Variants in TNS3 observed in about 807,000 individuals in gnomAD.
TNS3 encodes the protein tensin-3.
TNS3 carries 45 observed loss-of-function variants against 140.9 expected under a neutral mutation model. The observed-to-expected ratio is 0.32, with a 90% CI of 0.25 to 0.41. TNS3 has a LOEUF of 0.41. Ranked by LOEUF, TNS3 falls within the 10% of genes least tolerant of loss-of-function variation. The probability of loss-of-function intolerance (pLI) is 1.00; values close to 1 mark genes in which losing one functional copy is unlikely to be tolerated. For synonymous variants in TNS3, 815 were observed against 788.4 expected (o/e 1.03, Z -0.56); for missense variants, 1,716 against 1,906.7 (o/e 0.90, Z 1.86).
At chr7:47,338,357 G>C (rs992066800) in intron 20 of TNS3, among the ~76,000 whole-genome samples, 2 of 152,166 alleles carry the variant, frequency 1.3e-5, no homozygotes, top group Non-Finnish European at 2.9e-5. Flanking sequence ...CACCAGTATT[G>C]GATGTTGTCA....
intron 20 of TNS3, among the ~76,000 whole-genome samples, chr7:47,329,232 T>C (rs1259231731): frequency 1.3e-5 from 2 of 152,204 alleles, no homozygotes; most frequent in Non-Finnish European, 2.9e-5. Context: ...CACTCACTCC[T>C]GGCTTCTCTT....
chr7:47,322,213 CAAA>C (rs759875153), intron 20 of TNS3, among the ~76,000 whole-genome samples: 3 of 49,938 alleles, frequency 6.0e-5, no homozygotes, highest in East Asian at 6.5e-4. Context: ...GTAGAACGGG[CAAA>C]AAAAAAAAAA....
At chr7:47,327,720 T>A (rs1260902951) in intron 20 of TNS3, among the ~76,000 whole-genome samples, 1 of 152,192 alleles carries the variant, frequency 6.6e-6, no homozygotes, top group Non-Finnish European at 1.5e-5. Context: ...TCCCAAAGCC[T>A]TGGCGACTTG....
At chr7:47,452,460 G>T (rs1043704145) in intron 4 of TNS3, among the ~76,000 whole-genome samples, 1 of 152,184 alleles carries the variant, frequency 6.6e-6, no homozygotes, top group Non-Finnish European at 1.5e-5. Flanking sequence ...CTAAAATAAA[G>T]TCATCTTGTC....
chr7:47,463,014 T>C (rs530434093), intron 4 of TNS3, among the ~76,000 whole-genome samples: 1 of 152,256 alleles, frequency 6.6e-6, no homozygotes, highest in African/African-American at 2.4e-5. Flanking sequence ...ACAGTTGATT[T>C]TCGTTATTGG....
At position 47,278,315 on chromosome 7, in the gene TNS3, T is replaced by C. The variant is rs962871275; in HGVS notation, c.4194-95A>G. ...GCCAGCGGCACTGTCAGGAGGAATT[T>C]TAAGTGGCACCTATCAAAAATCAAC... On this transcript the variant is annotated intron_variant, in intron 30 of 30. Coordinates refer to ENST00000311160, the MANE Select transcript of TNS3 (RefSeq NM_022748.12). The C allele has an allele frequency of 2.4e-5, 34 of 1,428,152 alleles. No homozygotes were observed. In the Admixed American group the frequency reaches 3.7e-4, roughly 15 times the overall value. The allele number at this position is 1,428,152 out of a possible 1,614,324, so 88.5% of individuals were successfully genotyped here.
intron 3 of TNS3, among the ~76,000 whole-genome samples, chr7:47,502,617 G>A (rs1798268539): frequency 6.6e-6 from 1 of 152,338 alleles, no homozygotes; most frequent in South Asian, 2.1e-4. Context: ...ACTTCCCCAG[G>A]ACCTCCTGTA....
chr7:47,327,067 C>T (rs1465344065), intron 20 of TNS3, among the ~76,000 whole-genome samples: 2 of 152,196 alleles, frequency 1.3e-5, no homozygotes, highest in African/African-American at 2.4e-5. Context: ...GGAGCAGATG[C>T]CCAGGAGGCC....
Position 47,368,663 on chromosome 7 carries a change from G to A in TNS3, c.1983C>T (p.Pro661=), listed in dbSNP as rs934152418. ...GAAACCTGGGTTTGAACGCTTTGCT[G>A]GGAGAGGGCTGCTGTGTGTCAGGGG... ...PHPPDTQQPS[P]SKAFKPRFPG... Residue 661 remains proline (P), a synonymous_variant, in exon 17 of 31, where the codon CCC becomes CCT. Coordinates refer to ENST00000311160, the MANE Select transcript of TNS3 (RefSeq NM_022748.12). 1.0e-5 allele frequency: 16 copies of A among 1,600,878 alleles called. No individual in the cohort carries two copies. The highest frequency in any genetic ancestry group is 1.2e-5 in the Non-Finnish European group (14 of 1,173,946).
At chr7:47,370,177 G>T (rs1280170682) in intron 16 of TNS3, among the ~76,000 whole-genome samples, 3 of 152,130 alleles carry the variant, frequency 2.0e-5, no homozygotes, top group Non-Finnish European at 4.4e-5. Flanking sequence ...TCGGGAGGCT[G>T]AGTCAGGAGA....
chr7:47,503,753 AC>A (rs1386675953), intron 3 of TNS3, among the ~76,000 whole-genome samples: 3 of 152,168 alleles, frequency 2.0e-5, no homozygotes, highest in African/African-American at 7.2e-5. Flanking sequence ...CTTATAAACA[AC>A]AGAAATATAC....
At chr7:47,291,093 G>A (rs1785672185) in intron 27 of TNS3, among the ~76,000 whole-genome samples, 1 of 152,182 alleles carries the variant, frequency 6.6e-6, no homozygotes, top group Non-Finnish European at 1.5e-5. Context: ...GCTATGAACT[G>A]TATGGTTTCA....
intron 25 of TNS3, 91 bp downstream of exon 25, chr7:47,293,642 G>C (rs1269715064): frequency 6.4e-6 from 7 of 1,099,610 alleles, no homozygotes; most frequent in South Asian, 1.3e-5. Flanking sequence ...ACCACCATAA[G>C]AGTGATAGTC....
intron 3 of TNS3, chr7:47,481,406 C>A (rs916835365): frequency 2.3e-5 from 7 of 310,462 alleles, no homozygotes; most frequent in Non-Finnish European, 4.3e-5. Flanking sequence ...CTCATAGATA[C>A]AAAATTTAGC....
intron 4 of TNS3, among the ~76,000 whole-genome samples, chr7:47,479,003 C>T (rs1797310604): frequency 6.6e-6 from 1 of 152,054 alleles, no homozygotes. Context: ...GCTAGAAGAG[C>T]GAGATCTCTT....
At chr7:47,397,952 G>A (rs1175753653) in intron 15 of TNS3, among the ~76,000 whole-genome samples, 1 of 152,142 alleles carries the variant, frequency 6.6e-6, no homozygotes, top group Non-Finnish European at 1.5e-5. Context: ...CAAGAAGAGA[G>A]AAGATTCAAA....
chr7:47,327,005 C>A (rs1273384964), intron 20 of TNS3, among the ~76,000 whole-genome samples: 3 of 152,082 alleles, frequency 2.0e-5, no homozygotes, highest in Admixed American at 1.3e-4. Context: ...CACACACACA[C>A]GCTGTGTCGG....
chr7:47,572,922 AT>A (rs1800591751), intron 1 of TNS3, among the ~76,000 whole-genome samples: 1 of 152,118 alleles, frequency 6.6e-6, no homozygotes, highest in Admixed American at 6.6e-5. Flanking sequence ...TCTCACTCAA[AT>A]TTTTCATCAG....
intron 16 of TNS3, among the ~76,000 whole-genome samples, chr7:47,395,570 A>T (rs1792781359): frequency 6.6e-6 from 1 of 152,218 alleles, no homozygotes; most frequent in Admixed American, 6.5e-5. Flanking sequence ...GTGCACTGTG[A>T]TCTTTTGAAA....
Sources: allele counts gnomAD v4.1 joint callset (sites outside exome capture counted in the v4.1 genomes callset), GRCh38; gene constraint gnomAD v4.1.1; transcripts MANE v1.5; gene names NCBI Gene and HGNC (gene_info 2026-07-23, HGNC 2026-07-21).